RASGRF2: variants seen among roughly 807,000 people sequenced by gnomAD.
The protein encoded by RASGRF2 is Ras protein specific guanine nucleotide releasing factor 2, also known as ras-specific guanine nucleotide-releasing factor 2.
RASGRF2 carries 76 observed loss-of-function variants against 151.0 expected under a neutral mutation model. The observed-to-expected ratio is 0.50, with a 90% confidence interval of 0.42 to 0.61. RASGRF2 has a LOEUF of 0.61. Ranked by LOEUF, RASGRF2 falls within the 20% of genes least tolerant of loss-of-function variation. RASGRF2 has a pLI of 0.00. For missense variants in RASGRF2, 1,148 were observed against 1,564.6 expected, an observed-to-expected ratio of 0.73 and a Z score of 4.49; for synonymous variants, 504 against 566.5, an observed-to-expected ratio of 0.89 and a Z score of 1.57.
At chr5:81,007,740 C>T (rs1749318161) in intron 1 of RASGRF2, among the ~76,000 whole-genome samples, 1 of 152,124 alleles carries the variant, frequency 6.6e-6, no homozygotes, top group Non-Finnish European at 1.5e-5. Flanking sequence ...CTCACCTAAT[C>T]GCAGGTGCAA....
At chr5:81,179,522 A>C (rs73130824) in intron 17 of RASGRF2, among the ~76,000 whole-genome samples, 7,118 of 152,246 alleles carry the variant, frequency 0.047, 225 homozygotes, top group African/African-American at 0.088. Flanking sequence ...GATTGTAGAT[A>C]TTATATTCTT....
At chr5:81,052,740 C>A (rs1174950494) in intron 2 of RASGRF2, among the ~76,000 whole-genome samples, 1 of 152,092 alleles carries the variant, frequency 6.6e-6, no homozygotes, top group Non-Finnish European at 1.5e-5. Context: ...GATAGAGAAA[C>A]TGGCCTTGCT....
intron 17 of RASGRF2, among the ~76,000 whole-genome samples, chr5:81,157,668 G>A (rs1754293251): frequency 6.6e-6 from 1 of 152,160 alleles, no homozygotes; most frequent in Non-Finnish European, 1.5e-5. Flanking sequence ...ACATGACTGG[G>A]GAGGTCTCAG....
rs769601774 is a variant in RASGRF2, at chr5:81,180,231, A to T, written c.2743A>T (p.Thr915Ser). 1.2e-6 allele frequency: 2 copies of T among 1,613,366 alleles called. No individual in the cohort carries two copies. The highest frequency in any genetic ancestry group is 1.7e-6 in the Non-Finnish European group (2 of 1,179,448). The part of the protein sequence containing the change: ...DKEFIIRRTA[T>S]NRVLNVLRHW... ...AGAGTTTATTATACGGAGAACGGCT[A>T]CCAATCGAGTTCTGAACGTCCTCCG... The change falls in exon 18 of 27, where the codon ACC (threonine) becomes TCC (serine). Residue 915 changes from threonine (T) to serine (S), a missense_variant. This residue lies in a region of RASGRF2 where 646 missense variants were observed against 807.4 expected (regional missense o/e 0.80). Coordinates refer to ENST00000265080, the MANE Select transcript of RASGRF2 (RefSeq NM_006909.3).
At chr5:81,149,351 AT>A (rs1754080449) in intron 17 of RASGRF2, among the ~76,000 whole-genome samples, 1 of 152,260 alleles carries the variant, frequency 6.6e-6, no homozygotes, top group South Asian at 2.1e-4. Flanking sequence ...GTTGGAGGCC[AT>A]TATTCTAAGT....
intron 18 of RASGRF2, among the ~76,000 whole-genome samples, chr5:81,189,031 T>C (rs1356787645): frequency 6.6e-6 from 1 of 152,244 alleles, no homozygotes; most frequent in African/African-American, 2.4e-5. Context: ...CCTGAGTCTA[T>C]TTTGTGTTGC....
At chr5:81,108,475 G>A (rs1752903746) in intron 12 of RASGRF2, among the ~76,000 whole-genome samples, 1 of 152,216 alleles carries the variant, frequency 6.6e-6, no homozygotes, top group African/African-American at 2.4e-5. Flanking sequence ...CTAGTAAAAT[G>A]TGGGAATTTA....
intron 20 of RASGRF2, 67 bp from the exon 21 acceptor site, chr5:81,207,179 C>A: frequency 1.5e-6 from 2 of 1,328,486 alleles, no homozygotes; most frequent in Admixed American, 1.8e-5. Flanking sequence ...GTCTGCCTCA[C>A]TGACCTGCAA....
intron 1 of RASGRF2, among the ~76,000 whole-genome samples, chr5:81,020,834 C>T (rs1749800368): frequency 6.6e-6 from 1 of 152,204 alleles, no homozygotes; most frequent in Admixed American, 6.5e-5. Flanking sequence ...TAAGTGTCTA[C>T]TGGGTGCCAG....
At chr5:81,193,873 A>G (rs1051819410) in intron 18 of RASGRF2, among the ~76,000 whole-genome samples, 5 of 152,212 alleles carry the variant, frequency 3.3e-5, no homozygotes, top group Admixed American at 2.6e-4. Flanking sequence ...TTAAAAACTC[A>G]GGCTTTAGCC....
chr5:81,019,698 C>T (rs142715340), intron 1 of RASGRF2: 1 of 152,134 alleles, frequency 6.6e-6, no homozygotes, highest in East Asian at 1.9e-4. Context: ...TTAAAGAAAA[C>T]CAAAAATGTT....
At position 81,080,033 on chromosome 5, in the gene RASGRF2, T is replaced by C; in HGVS notation, c.888-88T>C. 1.3e-5 allele frequency: 19 copies of C among 1,462,886 alleles called. No individual in the cohort carries two copies. In the South Asian group the frequency reaches 2.3e-4, roughly 18 times the overall value. 90.6% of individuals were successfully genotyped at this position (1,462,886 alleles called of 1,614,324 possible). A position where few individuals can be genotyped will look rare whatever the true frequency, so the allele number is the denominator to read the frequency against. On this transcript the variant is annotated intron_variant, in intron 5 of 26. Transcript: ENST00000265080. ...GGCCCTATGGGACATATATATTATG[T>C]ATATATTAAGGCTTTAAGGACTCTG...
At chr5:80,972,769 C>T (rs1009759399) in intron 1 of RASGRF2, among the ~76,000 whole-genome samples, 1 of 152,178 alleles carries the variant, frequency 6.6e-6, no homozygotes, top group East Asian at 1.9e-4. Context: ...CGTGAGCCAC[C>T]GCACCAGCCT....
rs542131356 is a variant in RASGRF2, at chr5:81,125,418, A to G, written c.2596+1651A>G. On this transcript the variant is annotated intron_variant, in intron 16 of 26. Coordinates refer to ENST00000265080, the MANE Select transcript of RASGRF2 (RefSeq NM_006909.3). ...TAAGGCTCCAAGTCAGTTATGGGTTATCCTGCCATTTGGGTGTTTCTGGTA... is the reference window on the plus strand; with the variant it reads ...TAAGGCTCCAAGTCAGTTATGGGTTGTCCTGCCATTTGGGTGTTTCTGGTA... Among the ~76,000 whole-genome samples, 5 of 152,240 alleles carry G rather than the reference A, an allele frequency of 3.3e-5. No homozygotes were observed. The South Asian group carries it at 6.2e-4, about 19-fold the overall frequency.
chr5:81,200,476 C>T (rs868344942), intron 18 of RASGRF2, among the ~76,000 whole-genome samples: 93 of 152,254 alleles, frequency 6.1e-4, no homozygotes, highest in Admixed American at 1.6e-3. Context: ...CTTCTATGTT[C>T]ATTCGATGTG....
chr5:81,079,507 G>A (rs1186952189), intron 5 of RASGRF2, among the ~76,000 whole-genome samples: 2 of 106,254 alleles, frequency 1.9e-5, no homozygotes, highest in Non-Finnish European at 4.3e-5. Context: ...ATTCCAATGA[G>A]GAGAAAGCAA....
At chr5:80,982,099 GA>G (rs1245614171) in intron 1 of RASGRF2, among the ~76,000 whole-genome samples, 2 of 152,224 alleles carry the variant, frequency 1.3e-5, no homozygotes, top group South Asian at 2.1e-4. Flanking sequence ...TGAAGGTCTG[GA>G]GGTATATTCT....
chr5:81,194,864 GT>G (rs1755228256), intron 18 of RASGRF2, among the ~76,000 whole-genome samples: 2 of 152,174 alleles, frequency 1.3e-5, no homozygotes, highest in Admixed American at 6.5e-5. Context: ...AGCGTTGTTT[GT>G]TGAGTTACTC....
At chr5:80,979,678 T>A (rs968963675) in intron 1 of RASGRF2, among the ~76,000 whole-genome samples, 22 of 152,236 alleles carry the variant, frequency 1.4e-4, no homozygotes, top group African/African-American at 4.8e-4. Context: ...GTTTCAAAGA[T>A]CTTTGCTGCA....
Sources: gnomAD v4.1 joint callset for allele counts (sites outside exome capture counted in the v4.1 genomes callset) on GRCh38, gnomAD v4.1.1 for gene constraint, gnomAD v4.1.1 regional missense constraint, MANE v1.5 for transcripts, NCBI Gene and HGNC (gene_info 2026-07-23, HGNC 2026-07-21) for gene names.